Variants in TMPRSS7 observed in about 807,000 individuals in gnomAD.
The protein encoded by TMPRSS7 is transmembrane protease serine 7.
Under a neutral mutation model 95.6 loss-of-function variants are expected in TMPRSS7, and 81 were observed. The observed-to-expected ratio is 0.85, with a 90% CI of 0.71 to 1.02. TMPRSS7 has a LOEUF of 1.02. Ranked by LOEUF, TMPRSS7 falls within the 50% of genes least tolerant of loss-of-function variation. TMPRSS7 has a pLI of 0.00. For synonymous variants in TMPRSS7, 364 were observed against 337.8 expected (o/e 1.08, Z -0.85); for missense variants, 945 against 955.2 (o/e 0.99, Z 0.14).
At chr3:112,036,502 AG>A (rs1426866911) in intron 1 of TMPRSS7, among the ~76,000 whole-genome samples, 1 of 149,480 alleles carries the variant, frequency 6.7e-6, no homozygotes, top group East Asian at 2.1e-4. Flanking sequence ...CATGAGGCAG[AG>A]GTTGCAGTGA....
chr3:112,066,548 T>C (rs114793577), intron 13 of TMPRSS7, 46 bp downstream of exon 13: 1 of 1,567,756 alleles, frequency 6.4e-7, no homozygotes, highest in Admixed American at 1.7e-5. Flanking sequence ...TATGAAACTC[T>C]TCTAAATCAG....
At chr3:112,077,260 G>C in intron 16 of TMPRSS7, 116 bp downstream of exon 16, 1 of 1,150,098 alleles carries the variant, frequency 8.7e-7, no homozygotes, top group Non-Finnish European at 1.2e-6. Flanking sequence ...TGAACCTCCT[G>C]ACAACTCTGG....
chr3:112,057,881 A>G (rs2073451119), intron 10 of TMPRSS7, among the ~76,000 whole-genome samples: 1 of 152,010 alleles, frequency 6.6e-6, no homozygotes, highest in African/African-American at 2.4e-5. Flanking sequence ...ACGCACCACC[A>G]TACCTGGCTA....
At chr3:112,074,189 T>A in intron 13 of TMPRSS7, 107 bp from the exon 14 acceptor site, 1 of 756,068 alleles carries the variant, frequency 1.3e-6, no homozygotes, top group Non-Finnish European at 2.2e-6. Flanking sequence ...ATACCAATCC[T>A]GTGATTAAAC....
intron 13 of TMPRSS7, 88 bp downstream of exon 13, chr3:112,066,590 G>A: frequency 1.6e-6 from 2 of 1,213,916 alleles, no homozygotes; most frequent in South Asian, 1.3e-5. Context: ...TTAGGGGTTA[G>A]GGCAATCAAC....
intron 9 of TMPRSS7, among the ~76,000 whole-genome samples, chr3:112,055,639 A>G (rs1222280928): frequency 6.6e-6 from 1 of 152,230 alleles, no homozygotes; most frequent in East Asian, 1.9e-4. Context: ...TGAACTAAAA[A>G]GCAATTCAAT....
chr3:112,045,118 A>G lies in TMPRSS7; in HGVS notation c.498-632A>G, dbSNP rs111543256. Among the ~76,000 whole-genome samples, 1,034 of 152,274 alleles carry G rather than the reference A, an allele frequency of 6.8e-3. 11 individuals carry two copies. The highest frequency in any genetic ancestry group is 0.022 in the African/African-American group (914 of 41,546). ...AGCAGATTTAGCACAGTCCCCGGAC[A>G]TGGCAGAGTATCAAACATTGTAATG... On this transcript the variant is annotated intron_variant, in intron 4 of 17. Coordinates refer to ENST00000452346, the Ensembl canonical transcript of TMPRSS7.
At chr3:112,046,224 T>A (rs1330262742) in intron 5 of TMPRSS7, among the ~76,000 whole-genome samples, 1 of 152,194 alleles carries the variant, frequency 6.6e-6, no homozygotes, top group African/African-American at 2.4e-5. Context: ...ATCATCAAAC[T>A]AAGTCCCCAA....
Position 112,064,460 on chromosome 3 carries a change from C to T in TMPRSS7, c.1555+828C>T, listed in dbSNP as rs532025105. Among the ~76,000 whole-genome samples the T allele has an allele frequency of 5.3e-5, 8 of 152,178 alleles. No individual in the cohort carries two copies. The South Asian group carries it at 1.5e-3, about 28-fold the overall frequency. ...TCTTCCTGGACTCAAGCGATCCTCCCATGTCAGCCTCCTGAGTAGCTGGGA... is the reference window on the plus strand; with the variant it reads ...TCTTCCTGGACTCAAGCGATCCTCCTATGTCAGCCTCCTGAGTAGCTGGGA... On this transcript the variant is annotated intron_variant, in intron 12 of 17. Coordinates refer to ENST00000452346, the Ensembl canonical transcript of TMPRSS7.
chr3:112,049,229 T>C (rs1212286904), intron 7 of TMPRSS7, among the ~76,000 whole-genome samples: 1 of 152,192 alleles, frequency 6.6e-6, no homozygotes. Context: ...CAAGGAGTAC[T>C]TAAAACCCAG....
At chr3:112,059,600 A>G (rs960014393) in intron 10 of TMPRSS7, among the ~76,000 whole-genome samples, 1 of 152,202 alleles carries the variant, frequency 6.6e-6, no homozygotes, top group African/African-American at 2.4e-5. Flanking sequence ...TCTGATCTCA[A>G]GATGGCCAAC....
intron 15 of TMPRSS7, 43 bp downstream of exon 15, chr3:112,075,535 C>A (rs762404024): frequency 7.4e-7 from 1 of 1,359,972 alleles, no homozygotes; most frequent in Non-Finnish European, 9.6e-7. Flanking sequence ...ACTCTGTGGC[C>A]ATAGACAATA....
chr3:112,047,302 C>T lies in TMPRSS7; in HGVS notation c.730+290C>T, dbSNP rs374095429. 2.8e-4 allele frequency: 171 copies of T among 610,144 alleles called. No homozygotes were observed. In the East Asian group the frequency reaches 5.6e-3, roughly 20 times the overall value. The allele number at this position is 610,144 out of a possible 1,614,324, so 37.8% of individuals were successfully genotyped here. On this transcript the variant is annotated intron_variant, in intron 6 of 17. Transcript: ENST00000452346. ...GCCTTCTTTATCAAGTGTGCTCTTC[C>T]ACTGTATTTGTAACAAGGACCACCA...
intron 13 of TMPRSS7, among the ~76,000 whole-genome samples, chr3:112,069,468 G>A (rs764240544): frequency 9.2e-5 from 14 of 152,206 alleles, no homozygotes; most frequent in Admixed American, 4.6e-4. Flanking sequence ...AATTTTTTTG[G>A]TTGGTAGGCT....
intron 9 of TMPRSS7, among the ~76,000 whole-genome samples, chr3:112,054,729 C>T (rs1443972732): frequency 3.4e-3 from 164 of 48,902 alleles, no homozygotes; most frequent in South Asian, 5.1e-3. Context: ...TCTCAGTTTG[C>T]TTTTTTTTTT....
rs551278188 is a variant in TMPRSS7, at chr3:112,068,375, C to T, written c.1666+1873C>T. Reference sequence around the variant, plus strand: ...GTTCTGCGAAGAAAGTCATTGGTAGCTTGATGGAGATGGCATTGAATCTAT... The same window carrying T: ...GTTCTGCGAAGAAAGTCATTGGTAGTTTGATGGAGATGGCATTGAATCTAT... On this transcript the variant is annotated intron_variant, in intron 13 of 17. Coordinates refer to ENST00000452346, the Ensembl canonical transcript of TMPRSS7. Among the ~76,000 whole-genome samples the T allele has an allele frequency of 4.6e-5, 7 of 152,290 alleles. No homozygotes were observed. The South Asian group carries it at 1.5e-3, about 32-fold the overall frequency.
chr3:112,078,685 C>A (rs1406998953), intron 16 of TMPRSS7, 57 bp from the exon 17 acceptor site: 1 of 1,605,708 alleles, frequency 6.2e-7, no homozygotes, highest in South Asian at 1.1e-5. Flanking sequence ...AAATGAAGTC[C>A]TGAATACATG....
At chr3:112,039,796 A>C (rs764683784) in intron 2 of TMPRSS7, 1 of 152,242 alleles carries the variant, frequency 6.6e-6, no homozygotes, top group African/African-American at 2.4e-5. Flanking sequence ...TTAGCAAATT[A>C]TGAAACCTGA....
chr3:112,054,022 G>A (rs554772124), intron 9 of TMPRSS7, among the ~76,000 whole-genome samples: 2 of 152,144 alleles, frequency 1.3e-5, no homozygotes, highest in Non-Finnish European at 2.9e-5. Context: ...GGATTTTTAC[G>A]GGCCATGTAA....
Sources: gnomAD v4.1 joint callset for allele counts (sites outside exome capture counted in the v4.1 genomes callset) on GRCh38, gnomAD v4.1.1 for gene constraint, MANE v1.5 for transcripts, NCBI Gene and HGNC (gene_info 2026-07-23, HGNC 2026-07-21) for gene names.